The following SSBP2 variants were observed in gnomAD, a reference collection of about 807,000 sequenced individuals.
SSBP2 encodes single-stranded DNA-binding protein 2.
In SSBP2, 17 loss-of-function variants were observed where a neutral mutation model predicts 61.8. That is an observed-to-expected ratio of 0.28 (90% confidence interval 0.19 to 0.41). The LOEUF (loss-of-function observed/expected upper bound fraction) is 0.41, where lower values mean the gene tolerates loss of function less well. SSBP2 is among the 10% of genes least tolerant of loss of function. The probability of loss-of-function intolerance (pLI) is 1.00; values close to 1 mark genes in which losing one functional copy is unlikely to be tolerated. For missense variants in SSBP2, 310 were observed against 458.7 expected (o/e 0.68, Z 2.96); for synonymous variants, 139 against 141.3 (o/e 0.98, Z 0.12).
chr5:81,461,834 T>TA (rs1209945941), intron 9 of SSBP2, among the ~76,000 whole-genome samples: 1 of 152,158 alleles, frequency 6.6e-6, no homozygotes, highest in Non-Finnish European at 1.5e-5. Context: ...ACTGAGTTTT[T>TA]AAAGTAAAAT....
chr5:81,556,999 C>T (rs73766265), intron 4 of SSBP2, among the ~76,000 whole-genome samples: 8,112 of 152,124 alleles, frequency 0.053, 729 homozygotes, highest in African/African-American at 0.18. Flanking sequence ...TTTTCTCTCA[C>T]CTCTGTGATT....
intron 1 of SSBP2, among the ~76,000 whole-genome samples, chr5:81,725,269 A>G (rs1345446628): frequency 2.6e-5 from 4 of 152,064 alleles, no homozygotes; most frequent in Admixed American, 6.6e-5. Context: ...ACGTGAAGAG[A>G]TAACTAACCT....
chr5:81,635,548 T>C (rs1748133812), intron 3 of SSBP2, among the ~76,000 whole-genome samples: 1 of 151,984 alleles, frequency 6.6e-6, no homozygotes, highest in African/African-American at 2.4e-5. Context: ...AGTCTAACAT[T>C]GACAACTTGA....
chr5:81,551,248 T>C (rs1010184551), intron 4 of SSBP2, among the ~76,000 whole-genome samples: 9 of 152,090 alleles, frequency 5.9e-5, no homozygotes, highest in Non-Finnish European at 1.3e-4. Flanking sequence ...TAAAAATACA[T>C]TTGGTTTTGG....
chr5:81,750,113 C>T (rs1036136223), intron 1 of SSBP2, among the ~76,000 whole-genome samples: 2 of 151,818 alleles, frequency 1.3e-5, no homozygotes, highest in African/African-American at 4.8e-5. Flanking sequence ...GAGTTGGGTC[C>T]GCTGCGAGAG....
chr5:81,516,849 C>T (rs981910583), intron 4 of SSBP2, among the ~76,000 whole-genome samples: 3 of 151,998 alleles, frequency 2.0e-5, no homozygotes, highest in Admixed American at 1.3e-4. Context: ...CACATTTCTT[C>T]GGATATGTTG....
At chr5:81,482,232 C>T (rs570073528) in intron 6 of SSBP2, among the ~76,000 whole-genome samples, 6 of 152,258 alleles carry the variant, frequency 3.9e-5, no homozygotes, top group South Asian at 2.1e-4. Flanking sequence ...ATGTGAGCCA[C>T]GTACCTGGCC....
chr5:81,569,278 T>C (rs1312667878), intron 4 of SSBP2, among the ~76,000 whole-genome samples: 1 of 152,190 alleles, frequency 6.6e-6, no homozygotes, highest in Non-Finnish European at 1.5e-5. Flanking sequence ...AACAGTTCTA[T>C]CACCTCAAAA....
chr5:81,609,325 G>A (rs1745208189), intron 4 of SSBP2, among the ~76,000 whole-genome samples: 1 of 152,106 alleles, frequency 6.6e-6, no homozygotes, highest in Non-Finnish European at 1.5e-5. Flanking sequence ...CAGTTTCTCT[G>A]ATACACCTTC....
At chr5:81,568,831 C>T (rs527872458) in intron 4 of SSBP2, among the ~76,000 whole-genome samples, 1 of 152,252 alleles carries the variant, frequency 6.6e-6, no homozygotes, top group East Asian at 1.9e-4. Context: ...ATCATGAGAT[C>T]TAGCTTGTAG....
intron 15 of SSBP2, among the ~76,000 whole-genome samples, chr5:81,432,616 T>C (rs1762366003): frequency 6.6e-6 from 1 of 152,030 alleles, no homozygotes; most frequent in Non-Finnish European, 1.5e-5. Context: ...TATGGTGGTG[T>C]GCGCCTGTAA....
At chr5:81,581,076 T>C (rs2153474346) in intron 4 of SSBP2, among the ~76,000 whole-genome samples, 1 of 152,186 alleles carries the variant, frequency 6.6e-6, no homozygotes, top group African/African-American at 2.4e-5. Context: ...ATAAACAGTC[T>C]ACTACTCTGG....
intron 3 of SSBP2, among the ~76,000 whole-genome samples, chr5:81,623,676 G>C (rs886968417): frequency 6.6e-6 from 1 of 151,988 alleles, no homozygotes; most frequent in African/African-American, 2.4e-5. Context: ...CAATGGACTG[G>C]GGGGAAATAA....
intron 4 of SSBP2, among the ~76,000 whole-genome samples, chr5:81,530,080 G>A (rs1770278286): frequency 6.6e-6 from 1 of 151,970 alleles, no homozygotes; most frequent in South Asian, 2.1e-4. Context: ...ATCAAGCCGG[G>A]TTTCAGACAA....
intron 4 of SSBP2, among the ~76,000 whole-genome samples, chr5:81,593,393 T>C (rs1281657058): frequency 6.6e-6 from 1 of 152,074 alleles, no homozygotes. Flanking sequence ...AAGGGGAGAA[T>C]GGAACCAAGT....
At chr5:81,467,564 A>T (rs936595148) in intron 8 of SSBP2, among the ~76,000 whole-genome samples, 2 of 152,046 alleles carry the variant, frequency 1.3e-5, no homozygotes, top group East Asian at 1.9e-4. Flanking sequence ...AAGTATAAAA[A>T]CTAATGTATA....
At chr5:81,554,231 TCAAA>T (rs1182828996) in intron 4 of SSBP2, among the ~76,000 whole-genome samples, 3 of 151,998 alleles carry the variant, frequency 2.0e-5, no homozygotes, top group Non-Finnish European at 4.4e-5. Context: ...TAGTCCATTG[TCAAA>T]CAATCATAAG....
intron 4 of SSBP2, among the ~76,000 whole-genome samples, chr5:81,534,293 A>G (rs1369762934): frequency 3.3e-5 from 5 of 152,132 alleles, no homozygotes; most frequent in Non-Finnish European, 7.4e-5. Context: ...TACCCAGGAT[A>G]TCATGTCCAG....
chr5:81,562,955 C>CTAT (rs1342182860), intron 4 of SSBP2, among the ~76,000 whole-genome samples: 17 of 152,126 alleles, frequency 1.1e-4, no homozygotes, highest in African/African-American at 4.1e-4. Flanking sequence ...CTCCGTATTA[C>CTAT]TATTTCAATT....
Sources: allele counts gnomAD v4.1 joint callset (sites outside exome capture counted in the v4.1 genomes callset), GRCh38; gene constraint gnomAD v4.1.1; transcripts MANE v1.5; gene names NCBI Gene and HGNC (gene_info 2026-07-23, HGNC 2026-07-21).